NLGN1: variants seen among roughly 807,000 people sequenced by gnomAD.
NLGN1 encodes neuroligin 1, also known as neuroligin-1.
In NLGN1, 12 loss-of-function variants were observed where a neutral mutation model predicts 65.5. The ratio of observed to expected loss-of-function variants is 0.18; its 90% confidence interval spans 0.12 to 0.30. The LOEUF (loss-of-function observed/expected upper bound fraction) is 0.30. Among genes scored for constraint, NLGN1 ranks in the 10% least tolerant of loss-of-function variants. The pLI, the probability that NLGN1 is intolerant of heterozygous loss-of-function variation, is 1.00. For synonymous variants in NLGN1, 350 were observed against 359.5 expected (o/e 0.97, Z 0.30); for missense variants, 750 against 1,007.1 (o/e 0.74, Z 3.46).
chr3:173,734,743 AT>A, intron 3 of NLGN1, among the ~76,000 whole-genome samples: 1 of 151,694 alleles, frequency 6.6e-6, no homozygotes, highest in Non-Finnish European at 1.5e-5. Flanking sequence ...AATAAATCAC[AT>A]TTTTCCCCTT....
chr3:173,594,211 C>G (rs189212578), intron 2 of NLGN1, among the ~76,000 whole-genome samples: 37 of 152,274 alleles, frequency 2.4e-4, no homozygotes, highest in Admixed American at 2.3e-3. Context: ...GAAAGGCAAG[C>G]CCCTTCCAGC....
At chr3:174,033,168 C>A (rs371877733) in intron 4 of NLGN1, among the ~76,000 whole-genome samples, 1 of 152,072 alleles carries the variant, frequency 6.6e-6, no homozygotes, top group East Asian at 1.9e-4. Context: ...AATAGAACAA[C>A]GGTTACAGCT....
intron 3 of NLGN1, among the ~76,000 whole-genome samples, chr3:173,660,910 T>G (rs1036579011): frequency 1.3e-5 from 2 of 151,986 alleles, no homozygotes; most frequent in Non-Finnish European, 2.9e-5. Flanking sequence ...GACTCAAACA[T>G]TACCTCTTCA....
At chr3:173,473,894 C>T (rs989593203) in intron 2 of NLGN1, among the ~76,000 whole-genome samples, 4 of 152,118 alleles carry the variant, frequency 2.6e-5, no homozygotes, top group African/African-American at 9.7e-5. Flanking sequence ...CGGCAGATTT[C>T]CTACCTCTGA....
At chr3:173,587,674 G>T (rs1031730096) in intron 2 of NLGN1, among the ~76,000 whole-genome samples, 1 of 152,124 alleles carries the variant, frequency 6.6e-6, no homozygotes, top group Non-Finnish European at 1.5e-5. Flanking sequence ...TGGTAGTTTG[G>T]GGTAAAGAGA....
chr3:173,673,367 GC>G (rs1762709141), intron 3 of NLGN1, among the ~76,000 whole-genome samples: 4 of 152,086 alleles, frequency 2.6e-5, no homozygotes, highest in Admixed American at 1.3e-4. Flanking sequence ...CTTTCTATTT[GC>G]CATGGTAGAC....
chr3:174,120,304 G>T (rs535510350), intron 4 of NLGN1, among the ~76,000 whole-genome samples: 2 of 151,794 alleles, frequency 1.3e-5, no homozygotes, highest in African/African-American at 4.8e-5. Context: ...TGGCCAACAT[G>T]GCAAAGCCCC....
intron 3 of NLGN1, among the ~76,000 whole-genome samples, chr3:173,677,010 G>T (rs1428920807): frequency 6.6e-6 from 1 of 152,102 alleles, no homozygotes; most frequent in Non-Finnish European, 1.5e-5. Context: ...CGGTGATAGA[G>T]CATGTATAAA....
intron 3 of NLGN1, among the ~76,000 whole-genome samples, chr3:173,723,423 C>G (rs1451482899): frequency 6.6e-6 from 1 of 151,996 alleles, no homozygotes; most frequent in East Asian, 1.9e-4. Context: ...GACAAAAATT[C>G]TTTTATATGC....
chr3:174,008,289 G>A (rs1168759982), intron 4 of NLGN1, among the ~76,000 whole-genome samples: 1 of 151,980 alleles, frequency 6.6e-6, no homozygotes, highest in Non-Finnish European at 1.5e-5. Context: ...CATCCCACTA[G>A]CCAAAGCATG....
chr3:174,186,972 C>T (rs1318405773), intron 4 of NLGN1, among the ~76,000 whole-genome samples: 1 of 57,612 alleles, frequency 1.7e-5, no homozygotes, highest in African/African-American at 9.3e-5. Flanking sequence ...GCTCAAGTCC[C>T]TTATATAAAT....
rs138203077 is a variant in NLGN1, at chr3:173,458,776, GTTGT to G, written c.-321+23701_-321+23704del. ...AAGGTTGCATGTGGGAAGTTTTAAG[GTTGT>G]TTAATTCAGCAATTCAGGGATGTTG... On this transcript the variant is annotated intron_variant, in intron 2 of 6. Transcript: ENST00000457714. Among the ~76,000 whole-genome samples, 42 of 152,228 alleles carry G rather than the reference GTTGT, an allele frequency of 2.8e-4. No homozygotes were observed. In the East Asian group the frequency reaches 7.9e-3, roughly 29 times the overall value.
intron 4 of NLGN1, among the ~76,000 whole-genome samples, chr3:174,058,855 A>G (rs1195438901): frequency 6.6e-6 from 1 of 152,106 alleles, no homozygotes; most frequent in Non-Finnish European, 1.5e-5. Context: ...ATTTTTCAGT[A>G]CTTCCTTGTC....
intron 4 of NLGN1, among the ~76,000 whole-genome samples, chr3:173,919,353 C>A (rs951823306): frequency 2.6e-5 from 4 of 152,130 alleles, no homozygotes; most frequent in African/African-American, 9.7e-5. Context: ...TTTTACTTTA[C>A]AAGCATATTT....
intron 4 of NLGN1, among the ~76,000 whole-genome samples, chr3:173,824,401 A>G (rs932329889): frequency 6.6e-6 from 1 of 152,136 alleles, no homozygotes; most frequent in Non-Finnish European, 1.5e-5. Flanking sequence ...TGAATAACAT[A>G]GACACTAAAT....
intron 2 of NLGN1, among the ~76,000 whole-genome samples, chr3:173,437,289 A>G (rs1023476453): frequency 6.6e-6 from 1 of 152,180 alleles, no homozygotes; most frequent in Non-Finnish European, 1.5e-5. Context: ...TGCCAATACC[A>G]CATGTGTCTA....
intron 4 of NLGN1, among the ~76,000 whole-genome samples, chr3:174,030,861 C>T (rs138101892): frequency 2.3e-4 from 35 of 152,220 alleles, no homozygotes; most frequent in Non-Finnish European, 4.3e-4. Context: ...AATTAGATAT[C>T]TCTAGAAGCG....
chr3:173,918,630 CAA>C (rs558281371), intron 4 of NLGN1, among the ~76,000 whole-genome samples: 1,992 of 61,348 alleles, frequency 0.032, 63 homozygotes, highest in African/African-American at 0.097. Flanking sequence ...GACTCCATCT[CAA>C]AAAAAAAAAA....
chr3:173,977,092 TACACAC>T (rs112753620), intron 4 of NLGN1, among the ~76,000 whole-genome samples: 1 of 150,090 alleles, frequency 6.7e-6, no homozygotes, highest in Admixed American at 6.7e-5. Flanking sequence ...AGGAAAAAGA[TACACAC>T]ACACACACGC....
Sources: gnomAD v4.1 joint callset for allele counts (sites outside exome capture counted in the v4.1 genomes callset) on GRCh38, gnomAD v4.1.1 for gene constraint, MANE v1.5 for transcripts, NCBI Gene and HGNC (gene_info 2026-07-23, HGNC 2026-07-21) for gene names.